RORA: variants seen among roughly 807,000 people sequenced by gnomAD.
The protein encoded by RORA is RAR related orphan receptor A.
Under a neutral mutation model 69.5 loss-of-function variants are expected in RORA, and 7 were observed. The observed-to-expected ratio is 0.10, with a 90% CI of 0.06 to 0.19. The LOEUF is 0.19. Among genes scored for constraint, RORA ranks in the 10% least tolerant of loss-of-function variants. RORA has a pLI of 1.00. For missense variants in RORA, 457 were observed against 663.0 expected, an observed-to-expected ratio of 0.69 and a Z score of 3.41; for synonymous variants, 261 against 240.8, an observed-to-expected ratio of 1.08 and a Z score of -0.78.
chr15:60,623,369 C>G (rs1180480563), intron 2 of RORA, among the ~76,000 whole-genome samples: 1 of 152,182 alleles, frequency 6.6e-6, no homozygotes, highest in Non-Finnish European at 1.5e-5. Context: ...AACTACAATT[C>G]TATTGCACTT....
intron 1 of RORA, among the ~76,000 whole-genome samples, chr15:61,109,239 G>A (rs1001020442): frequency 6.6e-6 from 1 of 152,142 alleles, no homozygotes; most frequent in Non-Finnish European, 1.5e-5. Context: ...ACTGTGCTAA[G>A]CATGTTACGT....
intron 2 of RORA, among the ~76,000 whole-genome samples, chr15:60,608,464 C>G (rs2069003634): frequency 6.6e-6 from 1 of 152,200 alleles, no homozygotes; most frequent in Non-Finnish European, 1.5e-5. Context: ...AAAGAGGCCT[C>G]TGGTTCAGCA....
At position 60,738,328 on chromosome 15, in the gene RORA, C is replaced by T. The variant is rs563588393; in HGVS notation, c.167-59642G>A. Among the ~76,000 whole-genome samples, 13 of 152,342 alleles carry T rather than the reference C, an allele frequency of 8.5e-5. No individual in the cohort carries two copies. In the South Asian group the frequency reaches 2.7e-3, roughly 32 times the overall value. ...TCAGCAAAGACTGAGGAATATTTTA[C>T]AACACAGTTACACAGACTATTACAC... is the stretch of plus-strand genomic sequence containing the variant. On this transcript the variant is annotated intron_variant, in intron 1 of 10. Coordinates refer to ENST00000335670, the MANE Select transcript of RORA (RefSeq NM_134261.3).
At chr15:60,656,510 G>T (rs2070224053) in intron 2 of RORA, among the ~76,000 whole-genome samples, 2 of 119,586 alleles carry the variant, frequency 1.7e-5, no homozygotes, top group Admixed American at 7.8e-5. Flanking sequence ...ATTGAACCCT[G>T]AGATTCTTTT....
chr15:61,202,505 G>T (rs1391004154), intron 1 of RORA, among the ~76,000 whole-genome samples: 1 of 152,120 alleles, frequency 6.6e-6, no homozygotes, highest in Non-Finnish European at 1.5e-5. Flanking sequence ...ACGTACAGAT[G>T]ATGCAATGCT....
At chr15:61,169,974 G>A (rs908987061) in intron 1 of RORA, among the ~76,000 whole-genome samples, 4 of 152,122 alleles carry the variant, frequency 2.6e-5, no homozygotes, top group Admixed American at 6.6e-5. Flanking sequence ...CAGAGGCACC[G>A]TGTCCATCAT....
chr15:61,054,704 C>T (rs943109926), intron 1 of RORA, among the ~76,000 whole-genome samples: 4 of 152,104 alleles, frequency 2.6e-5, no homozygotes, highest in Admixed American at 6.5e-5. Flanking sequence ...AATGACACTA[C>T]GAGACAAGGC....
intron 2 of RORA, among the ~76,000 whole-genome samples, chr15:60,549,795 A>C (rs1340944960): frequency 2.0e-5 from 3 of 152,198 alleles, no homozygotes; most frequent in African/African-American, 7.2e-5. Flanking sequence ...TTCATATTTT[A>C]CTATGTGTAT....
At chr15:60,983,842 G>A (rs992318258) in intron 1 of RORA, among the ~76,000 whole-genome samples, 8 of 152,120 alleles carry the variant, frequency 5.3e-5, no homozygotes, top group African/African-American at 1.9e-4. Context: ...CAACCACCTT[G>A]AGCATATGTT....
At chr15:61,124,486 G>A (rs925008552) in intron 1 of RORA, among the ~76,000 whole-genome samples, 1 of 152,176 alleles carries the variant, frequency 6.6e-6, no homozygotes, top group Non-Finnish European at 1.5e-5. Flanking sequence ...GGAAGCTCAG[G>A]AGACCAACAG....
intron 1 of RORA, among the ~76,000 whole-genome samples, chr15:61,121,006 C>T (rs2079098203): frequency 6.6e-6 from 1 of 151,852 alleles, no homozygotes; most frequent in Admixed American, 6.6e-5. Context: ...TGCCACCACA[C>T]CCGGCTAATT....
At chr15:61,000,378 T>G (rs1566938933) in intron 1 of RORA, among the ~76,000 whole-genome samples, 1 of 152,130 alleles carries the variant, frequency 6.6e-6, no homozygotes, top group Non-Finnish European at 1.5e-5. Flanking sequence ...ATGTAAAAGA[T>G]GAGAAGAACC....
At chr15:60,994,835 T>C (rs1252329108) in intron 1 of RORA, among the ~76,000 whole-genome samples, 1 of 152,212 alleles carries the variant, frequency 6.6e-6, no homozygotes, top group East Asian at 1.9e-4. Context: ...ACAGGCCTCC[T>C]TGAGAAAGCC....
chr15:61,143,632 A>T (rs1324723471), intron 1 of RORA, among the ~76,000 whole-genome samples: 1 of 152,204 alleles, frequency 6.6e-6, no homozygotes, highest in Non-Finnish European at 1.5e-5. Context: ...ACATAGAAAC[A>T]TTTGTTATAT....
chr15:60,977,188 T>G (rs1893899017), intron 1 of RORA, among the ~76,000 whole-genome samples: 1 of 150,958 alleles, frequency 6.6e-6, no homozygotes, highest in Non-Finnish European at 1.5e-5. Flanking sequence ...TCACAGTGAC[T>G]CAAAGTTTTC....
intron 1 of RORA, among the ~76,000 whole-genome samples, chr15:61,050,870 C>CTGGT (rs1897260005): frequency 6.6e-6 from 1 of 152,200 alleles, no homozygotes; most frequent in Admixed American, 6.5e-5. Flanking sequence ...GGTTGACTAA[C>CTGGT]TTATTAAAAT....
chr15:60,503,505 G>A, intron 7 of RORA, 30 bp downstream of exon 7: 1 of 1,611,950 alleles, frequency 6.2e-7, no homozygotes, highest in Non-Finnish European at 8.5e-7. Flanking sequence ...GTTAGGAAGA[G>A]ATCTCAAAAT....
intron 1 of RORA, among the ~76,000 whole-genome samples, chr15:61,031,242 G>T (rs1896152379): frequency 6.6e-6 from 1 of 152,116 alleles, no homozygotes; most frequent in Admixed American, 6.6e-5. Context: ...GAAACAATGG[G>T]ATACTTATGA....
chr15:60,728,966 T>A (rs191208283), intron 1 of RORA, among the ~76,000 whole-genome samples: 1 of 152,220 alleles, frequency 6.6e-6, no homozygotes, highest in East Asian at 1.9e-4. Flanking sequence ...AGTTATCCCA[T>A]CTGAACACAG....
Sources: gnomAD v4.1 joint callset for allele counts (sites outside exome capture counted in the v4.1 genomes callset) on GRCh38, gnomAD v4.1.1 for gene constraint, MANE v1.5 for transcripts, NCBI Gene and HGNC (gene_info 2026-07-23, HGNC 2026-07-21) for gene names.